The following PTPN4 variants were observed in gnomAD, a reference collection of about 807,000 sequenced individuals.
The protein encoded by PTPN4 is tyrosine-protein phosphatase non-receptor type 4.
Under a neutral mutation model 135.5 loss-of-function variants are expected in PTPN4, and 49 were observed. The ratio of observed to expected loss-of-function variants is 0.36; its 90% confidence interval spans 0.29 to 0.46. The LOEUF (loss-of-function observed/expected upper bound fraction) is 0.46. PTPN4 is among the 20% of genes least tolerant of loss of function. PTPN4 has a pLI of 1.00. For synonymous variants in PTPN4, 333 were observed against 369.9 expected (o/e 0.90, Z 1.14); for missense variants, 860 against 1,101.0 (o/e 0.78, Z 3.10).
intron 13 of PTPN4, among the ~76,000 whole-genome samples, chr2:119,929,233 T>G (rs1678866674): frequency 6.6e-6 from 1 of 152,114 alleles, no homozygotes; most frequent in African/African-American, 2.4e-5. Flanking sequence ...GGGATTGTTT[T>G]TCTAATATGT....
intron 11 of PTPN4, among the ~76,000 whole-genome samples, chr2:119,918,738 C>G (rs1301953270): frequency 6.6e-6 from 1 of 152,088 alleles, no homozygotes; most frequent in Non-Finnish European, 1.5e-5. Context: ...CAACATATGA[C>G]CCAACAACAA....
chr2:119,922,767 A>T (rs1678757308), intron 12 of PTPN4, among the ~76,000 whole-genome samples: 1 of 152,226 alleles, frequency 6.6e-6, no homozygotes, highest in South Asian at 2.1e-4. Flanking sequence ...TAAATGTTTC[A>T]TAGAATTTGC....
intron 3 of PTPN4, among the ~76,000 whole-genome samples, chr2:119,875,128 G>C (rs1677966436): frequency 6.6e-6 from 1 of 152,092 alleles, no homozygotes; most frequent in Non-Finnish European, 1.5e-5. Context: ...TCTTATTGAT[G>C]TGTAGAACTT....
chr2:119,881,762 C>A (rs1275670280), intron 5 of PTPN4, 24 bp from the exon 6 acceptor site: 1 of 1,475,590 alleles, frequency 6.8e-7, no homozygotes, highest in Admixed American at 1.8e-5. Flanking sequence ...TAAATGCTAT[C>A]CTTTTTGTTT....
chr2:119,803,864 C>T (rs1046601502), intron 1 of PTPN4, among the ~76,000 whole-genome samples: 10 of 151,492 alleles, frequency 6.6e-5, no homozygotes, highest in Admixed American at 1.3e-4. Context: ...GGTAATGTCT[C>T]GGTGGCTTGA....
At chr2:119,801,047 TG>T (rs2104942284) in intron 1 of PTPN4, among the ~76,000 whole-genome samples, 1 of 152,284 alleles carries the variant, frequency 6.6e-6, no homozygotes, top group South Asian at 2.1e-4. Flanking sequence ...TTTTCAAAAT[TG>T]TTTTTGCTAC....
intron 23 of PTPN4, 27 bp downstream of exon 23, chr2:119,960,980 T>A: frequency 6.3e-7 from 1 of 1,598,748 alleles, no homozygotes; most frequent in Non-Finnish European, 8.5e-7. Flanking sequence ...TCTTACACAT[T>A]GCTTGGACTT....
chr2:119,902,813 C>G (rs1198338510), intron 10 of PTPN4, among the ~76,000 whole-genome samples: 1 of 152,192 alleles, frequency 6.6e-6, no homozygotes, highest in Non-Finnish European at 1.5e-5. Context: ...GCCCTTGACC[C>G]TCATGGGCCG....
At position 119,955,163 on chromosome 2, in the gene PTPN4, A is replaced by G. The variant is rs1478246112; in HGVS notation, c.1820A>G (p.Tyr607Cys). ...LMLLVRPNAV[Y>C]DVVEEKLENE... is the part of the protein sequence containing the mutation. ...TTTGATTTTTTTTTTTTAGCTGTAT[A>G]TGATGTAGTGGAAGAAAAGCTAGAA... is the stretch of plus-strand genomic sequence containing the variant. Residue 607 changes from tyrosine to cysteine, a missense_variant, in exon 20 of 27, where the codon TAT (tyrosine) becomes TGT (cysteine). Around this residue, in one of 2 missense-constraint regions of PTPN4, gnomAD observed 684 missense variants for 807.0 expected, o/e 0.85. Transcript: ENST00000263708. The G allele has an allele frequency of 1.9e-6, 3 of 1,600,246 alleles. No homozygotes were observed. The highest frequency in any genetic ancestry group is 1.7e-5 in the Admixed American group (1 of 57,388).
intron 2 of PTPN4, among the ~76,000 whole-genome samples, chr2:119,835,441 G>A (rs1574359863): frequency 1.3e-5 from 2 of 152,080 alleles, no homozygotes; most frequent in East Asian, 1.9e-4. Flanking sequence ...CCTCGGTCCC[G>A]AAGTGCTGGG....
chr2:119,843,218 C>CTTTTTTTTTTT (rs779045976), intron 2 of PTPN4, among the ~76,000 whole-genome samples: 1 of 107,292 alleles, frequency 9.3e-6, no homozygotes, highest in Non-Finnish European at 1.9e-5. Context: ...ATGCATTTTT[C>CTTTTTTTTTTT]TTTTTTTTTT....
At chr2:119,809,746 A>T in intron 1 of PTPN4, 91 bp from the exon 2 acceptor site, 1 of 1,134,994 alleles carries the variant, frequency 8.8e-7, no homozygotes, top group Non-Finnish European at 1.2e-6. Flanking sequence ...CCTAAGTTTT[A>T]ATTGAGAAAT....
At chr2:119,799,714 C>G (rs187859015) in intron 1 of PTPN4, among the ~76,000 whole-genome samples, 1 of 152,152 alleles carries the variant, frequency 6.6e-6, no homozygotes, top group African/African-American at 2.4e-5. Context: ...CAAAACATTT[C>G]CCCTGGAAAC....
chr2:119,953,858 A>G (rs900416594), intron 19 of PTPN4, among the ~76,000 whole-genome samples: 2 of 152,176 alleles, frequency 1.3e-5, no homozygotes, highest in African/African-American at 2.4e-5. Flanking sequence ...ACAAAAATCC[A>G]TATGATGGCA....
At chr2:119,834,087 C>A (rs1179176392) in intron 2 of PTPN4, among the ~76,000 whole-genome samples, 1 of 152,160 alleles carries the variant, frequency 6.6e-6, no homozygotes, top group East Asian at 1.9e-4. Context: ...ATACAGGGTG[C>A]ATGTTACATG....
At chr2:119,877,654 C>A in intron 5 of PTPN4, 112 bp downstream of exon 5, 1 of 1,330,428 alleles carries the variant, frequency 7.5e-7, no homozygotes, top group South Asian at 1.6e-5. Flanking sequence ...GCTTTCCAGT[C>A]AGTACACAGA....
At chr2:119,773,645 A>C (rs1690774497) in intron 1 of PTPN4, among the ~76,000 whole-genome samples, 1 of 151,580 alleles carries the variant, frequency 6.6e-6, no homozygotes, top group African/African-American at 2.4e-5. Flanking sequence ...CTGAGGCAGG[A>C]GAATCACTTG....
At chr2:119,902,958 C>T (rs1678428248) in intron 10 of PTPN4, among the ~76,000 whole-genome samples, 2 of 152,168 alleles carry the variant, frequency 1.3e-5, no homozygotes, top group African/African-American at 4.8e-5. Context: ...CAGACCCCAT[C>T]AGAATACATC....
At chr2:119,952,917 T>C (rs1289869715) in intron 19 of PTPN4, among the ~76,000 whole-genome samples, 9 of 152,194 alleles carry the variant, frequency 5.9e-5, no homozygotes, top group Admixed American at 5.9e-4. Flanking sequence ...AAACTATAAA[T>C]TGAACTAAAA....
Sources: gnomAD v4.1 joint callset for allele counts (sites outside exome capture counted in the v4.1 genomes callset) on GRCh38, gnomAD v4.1.1 for gene constraint, gnomAD v4.1.1 regional missense constraint, MANE v1.5 for transcripts, NCBI Gene and HGNC (gene_info 2026-07-23, HGNC 2026-07-21) for gene names.